CCSER1: variants seen among roughly 807,000 people sequenced by gnomAD.
CCSER1 encodes coiled-coil serine rich protein 1.
A neutral mutation model predicts 82.0 loss-of-function variants in CCSER1; 41 were observed. That is an observed-to-expected ratio of 0.50 (90% confidence interval 0.39 to 0.65). The LOEUF (loss-of-function observed/expected upper bound fraction) is 0.65. CCSER1 is among the 30% of genes least tolerant of loss of function. The pLI is 0.00. For synonymous variants in CCSER1, 414 were observed against 383.9 expected (o/e 1.08, Z -0.92); for missense variants, 1,119 against 1,064.2 (o/e 1.05, Z -0.72).
At chr4:90,714,674 T>C (rs1162282610) in intron 6 of CCSER1, among the ~76,000 whole-genome samples, 3 of 152,096 alleles carry the variant, frequency 2.0e-5, no homozygotes, top group South Asian at 2.1e-4. Context: ...AAGGTTCAAA[T>C]AAATATATGA....
chr4:90,165,023 A>T (rs1398630374), intron 1 of CCSER1, among the ~76,000 whole-genome samples: 1 of 152,082 alleles, frequency 6.6e-6, no homozygotes, highest in Non-Finnish European at 1.5e-5. Flanking sequence ...ACTTGTTGAA[A>T]ATCACTGATG....
At chr4:90,913,335 T>G (rs1039090494) in intron 8 of CCSER1, among the ~76,000 whole-genome samples, 8 of 152,186 alleles carry the variant, frequency 5.3e-5, no homozygotes, top group African/African-American at 1.9e-4. Context: ...GGGGCCAATA[T>G]TCAACATTCT....
intron 1 of CCSER1, among the ~76,000 whole-genome samples, chr4:90,155,388 C>T (rs1395665611): frequency 6.6e-6 from 1 of 152,050 alleles, no homozygotes; most frequent in Non-Finnish European, 1.5e-5. Flanking sequence ...ATGATGCTGG[C>T]CTCATAAAAT....
intron 10 of CCSER1, among the ~76,000 whole-genome samples, chr4:91,276,501 C>A (rs1742461018): frequency 6.6e-6 from 1 of 151,912 alleles, no homozygotes. Context: ...TTGTATCCTT[C>A]AACTTTACTG....
chr4:91,137,033 T>A (rs1181707935), intron 10 of CCSER1, among the ~76,000 whole-genome samples: 1 of 151,572 alleles, frequency 6.6e-6, no homozygotes, highest in Non-Finnish European at 1.5e-5. Flanking sequence ...TATTATACTT[T>A]AAGTTTTAGG....
intron 1 of CCSER1, among the ~76,000 whole-genome samples, chr4:90,208,967 C>T (rs867623971): frequency 6.6e-5 from 10 of 152,114 alleles, no homozygotes; most frequent in Non-Finnish European, 1.0e-4. Context: ...TGCCAGCCAC[C>T]GAGTGCCAAA....
At chr4:90,149,535 C>G (rs977527369) in intron 1 of CCSER1, among the ~76,000 whole-genome samples, 7 of 152,060 alleles carry the variant, frequency 4.6e-5, no homozygotes, top group African/African-American at 1.7e-4. Context: ...TTCTCTAAGA[C>G]AATCTCAACA....
chr4:91,077,545 A>G (rs1722132339), intron 9 of CCSER1, among the ~76,000 whole-genome samples: 1 of 152,218 alleles, frequency 6.6e-6, no homozygotes, highest in Admixed American at 6.5e-5. Context: ...AGTGTGAATG[A>G]CGAAGAAGAC....
intron 1 of CCSER1, among the ~76,000 whole-genome samples, chr4:90,302,479 A>G (rs1733342642): frequency 6.6e-6 from 1 of 152,124 alleles, no homozygotes. Flanking sequence ...CAAATCTCCA[A>G]AGGTCTTGAA....
chr4:90,650,744 AAC>A (rs1728607341), intron 6 of CCSER1, among the ~76,000 whole-genome samples: 1 of 152,206 alleles, frequency 6.6e-6, no homozygotes, highest in Admixed American at 6.5e-5. Flanking sequence ...GCTCTACTTT[AAC>A]ACAGTTTTAT....
chr4:90,189,184 G>A (rs1364476615), intron 1 of CCSER1, among the ~76,000 whole-genome samples: 1 of 151,918 alleles, frequency 6.6e-6, no homozygotes, highest in Non-Finnish European at 1.5e-5. Context: ...CGAGAAGGAA[G>A]GAAGTATGTA....
intron 4 of CCSER1, among the ~76,000 whole-genome samples, chr4:90,415,172 T>G (rs1406038335): frequency 6.6e-6 from 1 of 152,200 alleles, no homozygotes; most frequent in Non-Finnish European, 1.5e-5. Flanking sequence ...TGTATTTTCT[T>G]AAATAAAATA....
At chr4:90,620,150 G>T (rs1722042202) in intron 5 of CCSER1, among the ~76,000 whole-genome samples, 1 of 152,078 alleles carries the variant, frequency 6.6e-6, no homozygotes, top group Admixed American at 6.5e-5. Context: ...AGTGAATAGT[G>T]GGAGTCGTTA....
At chr4:91,314,265 TG>T (rs1439108862) in intron 10 of CCSER1, among the ~76,000 whole-genome samples, 1 of 151,994 alleles carries the variant, frequency 6.6e-6, no homozygotes, top group Non-Finnish European at 1.5e-5. Context: ...GTAACATATT[TG>T]TAATCACTAT....
intron 10 of CCSER1, among the ~76,000 whole-genome samples, chr4:91,450,575 T>G (rs879074912): frequency 6.6e-6 from 1 of 152,118 alleles, no homozygotes. Flanking sequence ...GCTTGCTGTC[T>G]GCAGAGTTTC....
chr4:90,330,945 T>G (rs187705909), intron 3 of CCSER1, among the ~76,000 whole-genome samples: 1 of 152,248 alleles, frequency 6.6e-6, no homozygotes, highest in Non-Finnish European at 1.5e-5. Flanking sequence ...AATAGACTAT[T>G]AAGTAATTTT....
At chr4:91,461,585 C>T (rs1266349658) in intron 10 of CCSER1, among the ~76,000 whole-genome samples, 3 of 152,144 alleles carry the variant, frequency 2.0e-5, no homozygotes, top group African/African-American at 7.2e-5. Flanking sequence ...TGACCACCAG[C>T]CCTCATTTGG....
At chr4:90,919,099 A>C (rs1581081727) in intron 8 of CCSER1, among the ~76,000 whole-genome samples, 1 of 150,804 alleles carries the variant, frequency 6.6e-6, no homozygotes. Flanking sequence ...TAAAAAAAAA[A>C]AAAAAAAAAA....
intron 10 of CCSER1, among the ~76,000 whole-genome samples, chr4:91,540,308 G>A (rs1463624524): frequency 3.9e-5 from 6 of 152,100 alleles, no homozygotes; most frequent in Admixed American, 6.6e-5. Flanking sequence ...TTTAACAAAT[G>A]TACAGTGCAA....
Sources: allele counts gnomAD v4.1 joint callset (sites outside exome capture counted in the v4.1 genomes callset), GRCh38; gene constraint gnomAD v4.1.1; transcripts MANE v1.5; gene names NCBI Gene and HGNC (gene_info 2026-07-23, HGNC 2026-07-21).